The following MBNL2 variants were observed in gnomAD, a reference collection of about 807,000 sequenced individuals.
MBNL2 encodes the protein muscleblind-like protein 2.
A neutral mutation model predicts 41.9 loss-of-function variants in MBNL2; 17 were observed. That is an observed-to-expected ratio of 0.41 (90% CI 0.28 to 0.61). MBNL2 has a LOEUF of 0.61. MBNL2 is among the 20% of genes least tolerant of loss of function. The pLI, the probability that MBNL2 is intolerant of heterozygous loss-of-function variation, is 0.35. For synonymous variants in MBNL2, 195 were observed against 182.9 expected (o/e 1.07, Z -0.53); for missense variants, 336 against 505.6 (o/e 0.66, Z 3.22).
chr13:97,389,298 C>T (rs56339434), intron 8 of MBNL2, among the ~76,000 whole-genome samples: 6,746 of 152,316 alleles, frequency 0.044, 212 homozygotes, highest in Non-Finnish European at 0.067. Context: ...CTATGCTTTT[C>T]ATAGAATACT....
At chr13:97,323,070 T>A (rs745898521) in intron 2 of MBNL2, among the ~76,000 whole-genome samples, 1 of 152,150 alleles carries the variant, frequency 6.6e-6, no homozygotes, top group Non-Finnish European at 1.5e-5. Context: ...GTTTTCTACC[T>A]GAGATGGAAG....
At chr13:97,373,495 A>G (rs996958260) in intron 8 of MBNL2, among the ~76,000 whole-genome samples, 5 of 151,754 alleles carry the variant, frequency 3.3e-5, no homozygotes, top group Admixed American at 2.6e-4. Context: ...AAATTGCAGC[A>G]TTTGCATTCA....
intron 2 of MBNL2, among the ~76,000 whole-genome samples, chr13:97,320,676 G>T (rs1438523182): frequency 1.3e-5 from 2 of 152,052 alleles, no homozygotes; most frequent in Non-Finnish European, 2.9e-5. Flanking sequence ...CACTTTGGGA[G>T]GCCGAGGTGG....
At chr13:97,196,136 G>A in the MBNL2 span, among the ~76,000 whole-genome samples, 1 of 152,050 alleles carries the variant, frequency 6.6e-6, no homozygotes, top group African/African-American at 2.4e-5. Flanking sequence ...TGCCCCTCTG[G>A]TATCCTCTGT....
chr13:97,146,301 G>A, the MBNL2 span, among the ~76,000 whole-genome samples: 1 of 151,940 alleles, frequency 6.6e-6, no homozygotes, highest in African/African-American at 2.4e-5. Flanking sequence ...GCGCCCAGCA[G>A]GTTCTACTTT....
At chr13:97,149,440 T>C in the MBNL2 span, among the ~76,000 whole-genome samples, 2 of 152,092 alleles carry the variant, frequency 1.3e-5, no homozygotes, top group Admixed American at 1.3e-4. Context: ...TAAAACCTCA[T>C]TGGGCTATAG....
Position 97,334,098 on chromosome 13 carries a change from A to C in MBNL2, c.175-178A>C, listed in dbSNP as rs1439706737. Among the ~76,000 whole-genome samples, 2 of 151,568 alleles carry C rather than the reference A, an allele frequency of 1.3e-5. No homozygotes were observed. Among genetic ancestry groups the C allele is most frequent in the Non-Finnish European group, 2.9e-5 (2 of 67,920 alleles). The stretch of plus-strand genomic sequence containing the variant: ...GATTAGCAACCTTGATAATCATGTA[A>C]TGTTTGATTCACTTTTCCCCAACAA... On this transcript the variant is annotated intron_variant, in intron 2 of 8. Coordinates refer to ENST00000679496, the MANE Select transcript of MBNL2 (RefSeq NM_001382683.1). This position sits in a 1 kb window ranked among gnomAD's most constrained non-coding sequence, Gnocchi z 5.3.
At chr13:97,327,070 C>T (rs76905788) in intron 2 of MBNL2, among the ~76,000 whole-genome samples, 6 of 152,312 alleles carry the variant, frequency 3.9e-5, no homozygotes, top group Non-Finnish European at 7.3e-5. Context: ...AGGCTGGGAA[C>T]ATCTGATACA....
At chr13:97,382,200 T>C (rs1183189912) in intron 8 of MBNL2, among the ~76,000 whole-genome samples, 1 of 152,244 alleles carries the variant, frequency 6.6e-6, no homozygotes, top group Non-Finnish European at 1.5e-5. Flanking sequence ...ATTACCTTTG[T>C]CATTTGGTTT....
At chr13:97,280,665 A>T (rs1481605904) in intron 2 of MBNL2, among the ~76,000 whole-genome samples, 1 of 151,998 alleles carries the variant, frequency 6.6e-6, no homozygotes, top group Non-Finnish European at 1.5e-5. Context: ...CCCTCCCGCC[A>T]CCTGACTTCA....
chr13:97,182,080 G>A, the MBNL2 span, among the ~76,000 whole-genome samples: 1 of 152,168 alleles, frequency 6.6e-6, no homozygotes, highest in Non-Finnish European at 1.5e-5. Flanking sequence ...TTATGGTGCT[G>A]AGGGTTAGTG....
upstream of MBNL2, among the ~76,000 whole-genome samples, chr13:97,218,442 A>AAAAAAAAAAAC (rs1555302266): frequency 9.6e-5 from 14 of 145,696 alleles, no homozygotes; most frequent in African/African-American, 3.7e-4. Flanking sequence ...AAACAAAACA[A>AAAAAAAAAAAC]AAAAAAAAAA....
At chr13:97,328,736 A>G (rs1161855724) in intron 2 of MBNL2, among the ~76,000 whole-genome samples, 1 of 152,212 alleles carries the variant, frequency 6.6e-6, no homozygotes, top group East Asian at 1.9e-4. Flanking sequence ...ATGAAAAACT[A>G]ATGGGATGCA....
chr13:97,187,639 G>A, the MBNL2 span, among the ~76,000 whole-genome samples: 1 of 148,202 alleles, frequency 6.7e-6, no homozygotes, highest in Non-Finnish European at 1.5e-5. Context: ...CGGGCGCGGT[G>A]GCTCACGCCT....
At chr13:97,257,608 G>A (rs117613188) in intron 1 of MBNL2, among the ~76,000 whole-genome samples, 3,246 of 152,310 alleles carry the variant, frequency 0.021, 42 homozygotes, top group Non-Finnish European at 0.034. Flanking sequence ...CAAAGTCGAT[G>A]TCTCAAGATT....
chr13:97,298,212 TA>T (rs1566401751), intron 2 of MBNL2, among the ~76,000 whole-genome samples: 1 of 151,430 alleles, frequency 6.6e-6, no homozygotes, highest in Non-Finnish European at 1.5e-5. Context: ...AATAAATAAA[TA>T]AAAAAATTCT....
Position 97,346,887 on chromosome 13 carries a change from C to A in MBNL2, c.624C>A (p.Ile208=). 6.2e-7 allele frequency: 1 copy of A among 1,613,962 alleles called. No homozygotes were observed. Among genetic ancestry groups the A allele is most frequent in the South Asian group, 1.1e-5 (1 of 91,080 alleles). Residue 208 remains isoleucine (I), a synonymous_variant, in exon 5 of 9, where the codon ATC becomes ATA. Transcript: ENST00000679496. The surrounding 1 kb of genome is among the most constrained non-coding windows in gnomAD (Gnocchi z 4.2). The part of the protein sequence containing the change: ...RFAHPADSTM[I]DTSDNTVTVC... ...CACACCCCGCAGACAGCACCATGAT[C>A]GACACAAGTGACAACACCGTAACCG... is the stretch of plus-strand genomic sequence containing the variant.
At chr13:97,191,376 G>T in the MBNL2 span, among the ~76,000 whole-genome samples, 1,541 of 149,700 alleles carry the variant, frequency 0.01, 27 homozygotes, top group African/African-American at 0.036. Context: ...CTGGCCTTGA[G>T]GAGTCCCTGT....
chr13:97,268,662 TA>T lies in MBNL2; in HGVS notation c.-604-6969del, dbSNP rs992176671. 1.3e-5 allele frequency among the ~76,000 whole-genome samples: 2 copies of T among 152,310 alleles called. No individual in the cohort carries two copies. The highest frequency in any genetic ancestry group is 4.8e-5 in the African/African-American group (2 of 41,570). On this transcript the variant is annotated intron_variant, in intron 1 of 8. Coordinates refer to ENST00000679496, the MANE Select transcript of MBNL2 (RefSeq NM_001382683.1). The surrounding 1 kb of genome is among the most constrained non-coding windows in gnomAD (Gnocchi z 4.6). ...ACTTTGGTTCTTATTAAAATGCAAA[TA>T]TTCCTTGGAGGAGGATCAGGAGCTC...
Sources: allele counts gnomAD v4.1 joint callset (sites outside exome capture counted in the v4.1 genomes callset), GRCh38; gene constraint gnomAD v4.1.1; non-coding constraint Gnocchi (gnomAD v3.1); transcripts MANE v1.5; gene names NCBI Gene and HGNC (gene_info 2026-07-23, HGNC 2026-07-21).